PCDHGB5: variants seen among roughly 807,000 people sequenced by gnomAD.
PCDHGB5 encodes protocadherin gamma-B5.
In PCDHGB5, 48 loss-of-function variants were observed where a neutral mutation model predicts 62.9. The observed-to-expected ratio is 0.76, with a 90% CI of 0.61 to 0.97. The LOEUF is 0.97. Ranked by LOEUF, PCDHGB5 falls within the 50% of genes least tolerant of loss-of-function variation. PCDHGB5 has a pLI of 0.00. For missense variants in PCDHGB5, 1,118 were observed against 1,198.6 expected (o/e 0.93, Z 0.99); for synonymous variants, 474 against 511.2 (o/e 0.93, Z 0.98).
At chr5:141,444,672 A>G (rs990955921) in intron 1 of PCDHGB5, among the ~76,000 whole-genome samples, 2 of 152,086 alleles carry the variant, frequency 1.3e-5, no homozygotes, top group Non-Finnish European at 2.9e-5. Flanking sequence ...ATTTTTTTCA[A>G]TACCATTTAT....
In PCDHGB5 at chr5:141,397,961, G is replaced by C; in HGVS notation, c.-167G>C. Reference sequence around the variant, plus strand: ...CGCTTTCCAGGGCAGCCCCAGCTCAGACTCCCCAGCGCCGGCCTTTACACC... The same window carrying C: ...CGCTTTCCAGGGCAGCCCCAGCTCACACTCCCCAGCGCCGGCCTTTACACC... On this transcript the variant is annotated 5_prime_UTR_variant, in exon 1 of 4. Coordinates refer to ENST00000617380, the MANE Select transcript of PCDHGB5 (RefSeq NM_018925.3). 1.9e-6 allele frequency: 2 copies of C among 1,038,400 alleles called. No individual in the cohort carries two copies. Among genetic ancestry groups the C allele is most frequent in the Non-Finnish European group, 2.7e-6 (2 of 727,288 alleles). 64.3% of individuals were successfully genotyped at this position (1,038,400 alleles called of 1,614,324 possible). A position where few individuals can be genotyped will look rare whatever the true frequency, so the allele number is the denominator to read the frequency against.
At chr5:141,408,769 C>T in intron 1 of PCDHGB5, 1 of 1,611,166 alleles carries the variant, frequency 6.2e-7, no homozygotes, top group Non-Finnish European at 8.5e-7. Context: ...CCGATGGTGG[C>T]AAATACCCAG....
At chr5:141,498,971 G>GGGAGGGAAGGAAGGAAGGAA (rs2099787588) in intron 2 of PCDHGB5, among the ~76,000 whole-genome samples, 11 of 111,048 alleles carry the variant, frequency 9.9e-5, no homozygotes, top group African/African-American at 3.2e-4. Context: ...GAGGGAGGGA[G>GGGAGGGAAGGAAGGAAGGAA]GGAAGGAAGG....
chr5:141,423,061 G>T, intron 1 of PCDHGB5: 2 of 1,614,160 alleles, frequency 1.2e-6, no homozygotes, highest in Non-Finnish European at 1.7e-6. Context: ...CCTGCTTAAG[G>T]CCAGCGAGCC....
chr5:141,409,808 G>A lies in PCDHGB5; in HGVS notation c.2397+9284G>A, dbSNP rs1445467116. On this transcript the variant is annotated intron_variant, in intron 1 of 3. Coordinates refer to ENST00000617380, the MANE Select transcript of PCDHGB5 (RefSeq NM_018925.3). ...CTTCGCGCTCACGCTGCAGGCCCGC[G>A]ACCACGGCTCGCCCACGCTCAGCGC... 4.3e-6 allele frequency: 7 copies of A among 1,611,624 alleles called. No individual in the cohort carries two copies. In the East Asian group the frequency reaches 1.3e-4, roughly 31 times the overall value.
intron 1 of PCDHGB5, among the ~76,000 whole-genome samples, chr5:141,465,206 C>T (rs375753635): frequency 1.8e-4 from 27 of 151,896 alleles, no homozygotes; most frequent in Middle Eastern, 3.4e-3. Context: ...AAAATATAAG[C>T]TTTATTTTTC....
chr5:141,403,791 A>C (rs1265792011), intron 1 of PCDHGB5: 4 of 1,613,782 alleles, frequency 2.5e-6, no homozygotes, highest in Non-Finnish European at 3.4e-6. Flanking sequence ...GTGGCATACA[A>C]ATTCTGGAAA....
rs1299979776 is a variant in PCDHGB5 at position 141,512,453 on chromosome 5, G to GC, written c.*1282dup. On this transcript the variant is annotated 3_prime_UTR_variant, in exon 4 of 4. Transcript: ENST00000617380. ...TCCTGAAGCCTCAGTCCTTCACCTT[G>GC]CCAGGTGCCGTTTCTCTTCCGTGAA... The GC allele has an allele frequency of 6.5e-6, 1 of 152,880 alleles. No homozygotes were observed. The allele number at this position is 152,880 out of a possible 1,614,324, so 9.5% of individuals were successfully genotyped here.
At chr5:141,415,871 G>T (rs2095966585) in intron 1 of PCDHGB5, 2 of 1,074,308 alleles carry the variant, frequency 1.9e-6, no homozygotes, top group South Asian at 2.3e-5. Context: ...TAGTGTTGTT[G>T]AGTACAATAT....
chr5:141,400,580 C>T (rs756569671), intron 1 of PCDHGB5, 56 bp downstream of exon 1: 2 of 1,610,388 alleles, frequency 1.2e-6, no homozygotes, highest in South Asian at 2.2e-5. Context: ...TCTGTATTTA[C>T]ATGAAACTAT....
chr5:141,417,830 G>C (rs2096166388), intron 1 of PCDHGB5: 1 of 1,527,028 alleles, frequency 6.5e-7, no homozygotes, highest in African/African-American at 1.4e-5. Flanking sequence ...AACTGGAAAA[G>C]CGGGGACCCA....
At chr5:141,415,259 T>C (rs778452630) in intron 1 of PCDHGB5, 1 of 1,614,108 alleles carries the variant, frequency 6.2e-7, no homozygotes, top group Non-Finnish European at 8.5e-7. Flanking sequence ...GACCTCACTC[T>C]GTACCTGGTG....
In PCDHGB5 at chr5:141,486,432, G is replaced by T; in HGVS notation, c.2398-8375G>T. On this transcript the variant is annotated intron_variant, in intron 1 of 3. Coordinates refer to ENST00000617380, the MANE Select transcript of PCDHGB5 (RefSeq NM_018925.3). This position sits in a 1 kb window ranked among gnomAD's most constrained non-coding sequence, Gnocchi z 5.0. ...CCCTTGGATCGAGAGGCCAAATCTA[G>T]CTATGACATCATGGTCACTGCTTCT... 4 of 1,614,172 alleles carry T rather than the reference G, an allele frequency of 2.5e-6. No homozygotes were observed. Among genetic ancestry groups the T allele is most frequent in the Non-Finnish European group, 2.5e-6 (3 of 1,180,020 alleles).
intron 1 of PCDHGB5, among the ~76,000 whole-genome samples, chr5:141,449,869 T>G (rs1003364964): frequency 6.6e-6 from 1 of 151,924 alleles, no homozygotes; most frequent in African/African-American, 2.4e-5. Flanking sequence ...ATCAGAAAAT[T>G]TAACATCAAT....
intron 1 of PCDHGB5, chr5:141,478,489 C>G (rs779457709): frequency 5.6e-6 from 9 of 1,613,162 alleles, no homozygotes; most frequent in Middle Eastern, 1.6e-4. Flanking sequence ...CGCTGCGGAG[C>G]TGTGATCCGG....
At position 141,399,053 on chromosome 5, in the gene PCDHGB5, A is replaced by G. The variant is rs2093744168; in HGVS notation, c.926A>G (p.Lys309Arg). ...TQKKLDFEET[K>R]EYSMVVEGRD... The stretch of plus-strand genomic sequence containing the variant: ...AAGAAACTGGATTTTGAAGAGACCA[A>G]GGAATATTCAATGGTTGTAGAAGGG... The change falls in exon 1 of 4, where the codon AAG becomes AGG. Residue 309 changes from lysine to arginine, a missense_variant. Transcript: ENST00000617380. 2 of 1,613,630 alleles carry G rather than the reference A, an allele frequency of 1.2e-6. No individual in the cohort carries two copies. Among genetic ancestry groups the G allele is most frequent in the East Asian group, 2.2e-5 (1 of 44,906 alleles).
chr5:141,404,710 C>A (rs772390810), intron 1 of PCDHGB5: 1 of 1,614,014 alleles, frequency 6.2e-7, no homozygotes, highest in African/African-American at 1.3e-5. Flanking sequence ...AGCCTGGCTA[C>A]CTGGTGACCA....
chr5:141,510,553 A>C (rs1471878583), intron 3 of PCDHGB5, among the ~76,000 whole-genome samples: 1 of 152,162 alleles, frequency 6.6e-6, no homozygotes, highest in African/African-American at 2.4e-5. Context: ...TGTTTTGAGC[A>C]CTTACATCTA....
intron 1 of PCDHGB5, among the ~76,000 whole-genome samples, chr5:141,457,005 A>T (rs2098903361): frequency 6.6e-6 from 1 of 152,146 alleles, no homozygotes; most frequent in Admixed American, 6.5e-5. Flanking sequence ...TGCATTACTA[A>T]ATCCAATAAA....
Sources: allele counts gnomAD v4.1 joint callset (sites outside exome capture counted in the v4.1 genomes callset), GRCh38; gene constraint gnomAD v4.1.1; non-coding constraint Gnocchi (gnomAD v3.1); transcripts MANE v1.5; gene names NCBI Gene and HGNC (gene_info 2026-07-23, HGNC 2026-07-21).